The following TAFA2 variants were observed in gnomAD, a reference collection of about 807,000 sequenced individuals.
TAFA2 encodes chemokine-like protein TAFA-2.
TAFA2 carries 7 observed loss-of-function variants against 18.8 expected under a neutral mutation model. The ratio of observed to expected loss-of-function variants is 0.37; its 90% confidence interval spans 0.21 to 0.70. TAFA2 has a LOEUF of 0.70. Among genes scored for constraint, TAFA2 ranks in the 30% least tolerant of loss-of-function variants. The pLI is 0.53. For synonymous variants in TAFA2, 60 were observed against 54.2 expected, an observed-to-expected ratio of 1.11 and a Z score of -0.47; for missense variants, 122 against 158.1, an observed-to-expected ratio of 0.77 and a Z score of 1.23.
chr12:61,994,938 T>C (rs1880133786), intron 1 of TAFA2, among the ~76,000 whole-genome samples: 1 of 152,136 alleles, frequency 6.6e-6, no homozygotes, highest in African/African-American at 2.4e-5. Flanking sequence ...ACTGACACCA[T>C]CCCATTCTAG....
chr12:61,808,631 T>A (rs1258205957), intron 2 of TAFA2, among the ~76,000 whole-genome samples: 1 of 151,330 alleles, frequency 6.6e-6, no homozygotes. Context: ...TACGGTTGGG[T>A]CCATGTTTTT....
intron 2 of TAFA2, among the ~76,000 whole-genome samples, chr12:61,864,419 T>TAC (rs1874261338): frequency 6.7e-6 from 1 of 149,492 alleles, no homozygotes; most frequent in African/African-American, 2.5e-5. Context: ...TATTTCTATA[T>TAC]ATACACACCA....
At chr12:62,201,330 T>G (rs1358084154) in intron 1 of TAFA2, among the ~76,000 whole-genome samples, 2 of 152,202 alleles carry the variant, frequency 1.3e-5, no homozygotes, top group African/African-American at 4.8e-5. Context: ...TTAAAAGGAA[T>G]GCTCCCAGCT....
chr12:62,155,187 C>G (rs1186160018), intron 1 of TAFA2, among the ~76,000 whole-genome samples: 3 of 152,158 alleles, frequency 2.0e-5, no homozygotes, highest in Admixed American at 2.0e-4. Flanking sequence ...AACTCAACCT[C>G]TTTTACAATA....
intron 2 of TAFA2, among the ~76,000 whole-genome samples, chr12:61,791,122 T>C (rs1467003442): frequency 2.0e-5 from 3 of 151,808 alleles, no homozygotes; most frequent in Admixed American, 2.0e-4. Context: ...GTCTCATCAA[T>C]AGATGGTGCT....
chr12:62,101,644 C>T (rs1869208229), intron 1 of TAFA2, among the ~76,000 whole-genome samples: 1 of 152,234 alleles, frequency 6.6e-6, no homozygotes, highest in African/African-American at 2.4e-5. Context: ...CACTACCCTA[C>T]ACAGTAAGTT....
chr12:61,916,785 T>C (rs888669779), intron 1 of TAFA2, among the ~76,000 whole-genome samples: 2 of 151,896 alleles, frequency 1.3e-5, no homozygotes, highest in Non-Finnish European at 2.9e-5. Context: ...CTTATTCCCA[T>C]CTGATAGAAT....
At chr12:62,053,001 CGTT>C (rs1882095972) in intron 1 of TAFA2, among the ~76,000 whole-genome samples, 1 of 152,110 alleles carries the variant, frequency 6.6e-6, no homozygotes, top group East Asian at 1.9e-4. Flanking sequence ...GTTAGTGGGT[CGTT>C]GTCGTTTTTA....
At chr12:62,177,693 G>A (rs1565771179) in intron 1 of TAFA2, among the ~76,000 whole-genome samples, 1 of 152,024 alleles carries the variant, frequency 6.6e-6, no homozygotes, top group Non-Finnish European at 1.5e-5. Flanking sequence ...ATCTAGGTGG[G>A]CTACAGTTGC....
At chr12:61,773,353 C>T (rs1394775718) in intron 2 of TAFA2, among the ~76,000 whole-genome samples, 1 of 151,796 alleles carries the variant, frequency 6.6e-6, no homozygotes, top group Admixed American at 6.6e-5. Flanking sequence ...GTAGAAAAAA[C>T]AATCCTAAAA....
At chr12:62,094,879 T>C (rs574630408) in intron 1 of TAFA2, among the ~76,000 whole-genome samples, 1 of 152,154 alleles carries the variant, frequency 6.6e-6, no homozygotes, top group South Asian at 2.1e-4. Context: ...TTCACCAAAT[T>C]ATCAAGACAT....
chr12:62,011,086 A>G (rs1227110383), intron 1 of TAFA2, among the ~76,000 whole-genome samples: 24 of 127,612 alleles, frequency 1.9e-4, no homozygotes, highest in African/African-American at 5.7e-4. Flanking sequence ...GGAGGTGGGG[A>G]GCGCCTCTGC....
chr12:61,710,512 C>G, intron 4 of TAFA2, 95 bp from the exon 5 acceptor site: 1 of 1,010,364 alleles, frequency 9.9e-7, no homozygotes, highest in South Asian at 1.4e-5. Context: ...ACTCAAAATG[C>G]TGGTGTTTGC....
At chr12:62,049,915 T>C (rs1345682792) in intron 1 of TAFA2, among the ~76,000 whole-genome samples, 1 of 152,180 alleles carries the variant, frequency 6.6e-6, no homozygotes, top group Non-Finnish European at 1.5e-5. Context: ...CTACCAATTG[T>C]CTATAAAAGA....
intron 1 of TAFA2, among the ~76,000 whole-genome samples, chr12:62,185,859 CTT>C (rs1269213977): frequency 6.6e-6 from 1 of 152,162 alleles, no homozygotes; most frequent in Non-Finnish European, 1.5e-5. Flanking sequence ...AATAAAGTCT[CTT>C]TGTTCTATCA....
At chr12:62,022,875 A>G (rs1881191619) in intron 1 of TAFA2, among the ~76,000 whole-genome samples, 1 of 152,228 alleles carries the variant, frequency 6.6e-6, no homozygotes, top group Admixed American at 6.5e-5. Flanking sequence ...TCTCATTCCC[A>G]GGGGTTCCCA....
rs1006090015 is a variant in TAFA2, at chr12:61,978,514, A to G, written c.-1-111088T>C. Among the ~76,000 whole-genome samples, 3 of 152,046 alleles carry G rather than the reference A, an allele frequency of 2.0e-5. No individual in the cohort carries two copies. In the East Asian group the frequency reaches 5.8e-4, roughly 29 times the overall value. The stretch of plus-strand genomic sequence containing the variant: ...AGGAGGATTGACATACACCTACATC[A>G]GACAGAAGTACCACGGGGGATGCAG... On this transcript the variant is annotated intron_variant, in intron 1 of 4. Coordinates refer to ENST00000416284, the MANE Select transcript of TAFA2 (RefSeq NM_178539.5).
intron 2 of TAFA2, among the ~76,000 whole-genome samples, chr12:61,863,009 T>C (rs780348178): frequency 3.3e-4 from 51 of 152,336 alleles, no homozygotes; most frequent in Non-Finnish European, 5.6e-4. Flanking sequence ...CAGGCCTTAA[T>C]GTAGCTACTC....
At chr12:61,865,167 G>C (rs1044109653) in intron 2 of TAFA2, among the ~76,000 whole-genome samples, 1 of 152,110 alleles carries the variant, frequency 6.6e-6, no homozygotes, top group African/African-American at 2.4e-5. Flanking sequence ...AAGGATCCTA[G>C]GTTCTTACCT....
Sources: allele counts gnomAD v4.1 joint callset (sites outside exome capture counted in the v4.1 genomes callset), GRCh38; gene constraint gnomAD v4.1.1; transcripts MANE v1.5; gene names NCBI Gene and HGNC (gene_info 2026-07-23, HGNC 2026-07-21).